Variants in ANGPTL1 observed in about 807,000 individuals in gnomAD.
ANGPTL1 encodes the protein angiopoietin-related protein 1.
Under a neutral mutation model 46.7 loss-of-function variants are expected in ANGPTL1, and 36 were observed. That is an observed-to-expected ratio of 0.77 (90% CI 0.59 to 1.02). The LOEUF (loss-of-function observed/expected upper bound fraction) is 1.02, where lower values mean the gene tolerates loss of function less well. Among genes scored for constraint, ANGPTL1 ranks in the 50% least tolerant of loss-of-function variants. The probability of loss-of-function intolerance (pLI) is 0.00; values close to 1 mark genes in which losing one functional copy is unlikely to be tolerated. For synonymous variants in ANGPTL1, 221 were observed against 204.3 expected (o/e 1.08, Z -0.69); for missense variants, 571 against 594.7 (o/e 0.96, Z 0.41).
chr1:178,868,948 A>T (rs560166413), intron 2 of ANGPTL1, among the ~76,000 whole-genome samples, 166 bp downstream of exon 2: 9 of 152,102 alleles, frequency 5.9e-5, no homozygotes, highest in Admixed American at 5.9e-4. Context: ...AAATACATTT[A>T]CTGTTATGTT....
chr1:178,853,016 G>C (rs1657286087), intron 4 of ANGPTL1, 63 bp from the exon 5 acceptor site: 2 of 1,534,076 alleles, frequency 1.3e-6, no homozygotes, highest in Non-Finnish European at 1.7e-6. Flanking sequence ...CATTTTTACA[G>C]AGCAGTGTTA....
At chr1:178,861,613 T>C (rs1658017747) in intron 3 of ANGPTL1, among the ~76,000 whole-genome samples, 1 of 152,212 alleles carries the variant, frequency 6.6e-6, no homozygotes, top group African/African-American at 2.4e-5. Flanking sequence ...AGGGATCACA[T>C]AGAATACTCC....
chr1:178,855,239 A>T (rs1478853539), intron 3 of ANGPTL1, among the ~76,000 whole-genome samples: 5 of 151,704 alleles, frequency 3.3e-5, no homozygotes, highest in Non-Finnish European at 5.9e-5. Flanking sequence ...ATAACAATAG[A>T]AGGGATTCTT....
At chr1:178,860,348 T>C (rs917915900) in intron 3 of ANGPTL1, among the ~76,000 whole-genome samples, 3 of 152,196 alleles carry the variant, frequency 2.0e-5, no homozygotes, top group Non-Finnish European at 2.9e-5. Context: ...TTTATCTAAA[T>C]ACTATTTTTT....
At chr1:178,856,202 G>GAGAGAGATATAT (rs1428022812) in intron 3 of ANGPTL1, among the ~76,000 whole-genome samples, 5 of 83,908 alleles carry the variant, frequency 6.0e-5, no homozygotes, top group African/African-American at 3.2e-4. Flanking sequence ...GAGAGAGAGA[G>GAGAGAGATATAT]ATATATATAT....
intron 3 of ANGPTL1, among the ~76,000 whole-genome samples, chr1:178,860,236 A>G (rs1657906416): frequency 6.6e-6 from 1 of 152,304 alleles, no homozygotes; most frequent in African/African-American, 2.4e-5. Flanking sequence ...TAACATTAAT[A>G]GTTAAGAATT....
At chr1:178,862,035 A>G (rs547052496) in intron 3 of ANGPTL1, among the ~76,000 whole-genome samples, 2 of 151,826 alleles carry the variant, frequency 1.3e-5, no homozygotes, top group East Asian at 1.9e-4. Context: ...ACCATGCCCA[A>G]TACTTTTTTG....
intron 3 of ANGPTL1, among the ~76,000 whole-genome samples, chr1:178,857,044 A>G (rs753069804): frequency 6.6e-6 from 1 of 152,192 alleles, no homozygotes. Flanking sequence ...AGAAACATGC[A>G]TTGTAGTCAA....
At chr1:178,851,613 T>C (rs1482795933) in intron 5 of ANGPTL1, among the ~76,000 whole-genome samples, 1 of 151,878 alleles carries the variant, frequency 6.6e-6, no homozygotes, top group Non-Finnish European at 1.5e-5. Flanking sequence ...TGTGAAAGAG[T>C]TACAGAGGGA....
At chr1:178,856,196 G>GATAGATAGAT (rs1449088390) in intron 3 of ANGPTL1, among the ~76,000 whole-genome samples, 3 of 41,054 alleles carry the variant, frequency 7.3e-5, no homozygotes, top group African/African-American at 3.1e-4. Flanking sequence ...TTTCCAGAGA[G>GATAGATAGAT]AGAGAGATAT....
rs192489069 is a variant in ANGPTL1, at chr1:178,866,600, A to T, written c.-26-798T>A. ...TAGTAAAATGTTAGTAATTTTCTAC[A>T]ACCATTACCAAGGAAAGAAACTTGT... On this transcript the variant is annotated intron_variant, in intron 2 of 5. Coordinates refer to ENST00000234816, the MANE Select transcript of ANGPTL1 (RefSeq NM_004673.4). Among the ~76,000 whole-genome samples the T allele has an allele frequency of 1.7e-3, 262 of 152,294 alleles. 1 individual carries two copies. The highest frequency in any genetic ancestry group is 3.4e-3 in the Middle Eastern group (1 of 294).
chr1:178,853,121 T>C (rs1323120883), intron 4 of ANGPTL1, 168 bp from the exon 5 acceptor site: 12 of 985,312 alleles, frequency 1.2e-5, no homozygotes, highest in Non-Finnish European at 1.4e-5. Context: ...CACATTGTCA[T>C]TCTCTTTTTG....
chr1:178,870,623 CTG>C (rs1008546497), intron 1 of ANGPTL1, 116 bp downstream of exon 1: 4 of 152,118 alleles, frequency 2.6e-5, no homozygotes, highest in African/African-American at 9.7e-5. Context: ...ATGAGATAAA[CTG>C]TAGTATATTC....
intron 3 of ANGPTL1, among the ~76,000 whole-genome samples, chr1:178,856,202 G>GAGAGAGATATATATATATAT (rs1428022812): frequency 1.2e-5 from 1 of 83,912 alleles, no homozygotes; most frequent in African/African-American, 6.4e-5. Context: ...GAGAGAGAGA[G>GAGAGAGATATATATATATAT]ATATATATAT....
At chr1:178,854,036 C>A (rs906834793) in intron 3 of ANGPTL1, among the ~76,000 whole-genome samples, 1 of 151,924 alleles carries the variant, frequency 6.6e-6, no homozygotes, top group Admixed American at 6.6e-5. Context: ...AATCCTAATA[C>A]ATGTAGAAAA....
rs1558159267 is a variant in ANGPTL1 at position 178,865,131 on chromosome 1, C to CA, written c.645dup (p.Val216CysfsTer10). ...GGAATATGTTGTGGCACCACCTGGA[C>CA]AAGTGGGGGAGACACATGGGTGTCT... On this transcript the variant is annotated frameshift_variant, in exon 3 of 6. Coordinates refer to ENST00000234816, the MANE Select transcript of ANGPTL1 (RefSeq NM_004673.4). LOFTEE classifies it high-confidence loss of function. 1 of 1,591,076 alleles carries CA rather than the reference C, an allele frequency of 6.3e-7. No individual in the cohort carries two copies. The highest frequency in any genetic ancestry group is 1.7e-5 in the Admixed American group (1 of 59,084).
Position 178,865,469 on chromosome 1 carries a change from T to A in ANGPTL1, c.308A>T (p.Gln103Leu). 1 of 1,614,102 alleles carries A rather than the reference T, an allele frequency of 6.2e-7. No individual in the cohort carries two copies. The highest frequency in any genetic ancestry group is 8.5e-7 in the Non-Finnish European group (1 of 1,180,008). Residue 103 changes from glutamine (Q) to leucine (L), a missense_variant, in exon 3 of 6, where the codon CAA (glutamine) becomes CTA (leucine). Gln to Leu is a moderately radical substitution (Grantham distance 113, BLOSUM62 -2). Transcript: ENST00000234816. ...SRQKREIDVL[Q>L]LVVDVDGNIV... Reference sequence around the variant, plus strand: ...GTTTCCATCTACATCCACCACCAGTTGCAGAACATCTATCTCCCGCTTCTG... The same window carrying A: ...GTTTCCATCTACATCCACCACCAGTAGCAGAACATCTATCTCCCGCTTCTG...
chr1:178,866,219 A>G (rs1658400321), intron 2 of ANGPTL1, among the ~76,000 whole-genome samples: 1 of 152,178 alleles, frequency 6.6e-6, no homozygotes, highest in Non-Finnish European at 1.5e-5. Flanking sequence ...CATTAATTAA[A>G]ACATTCTTGC....
At chr1:178,855,015 A>G (rs941577138) in intron 3 of ANGPTL1, among the ~76,000 whole-genome samples, 4 of 152,148 alleles carry the variant, frequency 2.6e-5, no homozygotes, top group Non-Finnish European at 5.9e-5. Flanking sequence ...AGAACAAAAA[A>G]TGTATAAAAA....
Sources: allele counts gnomAD v4.1 joint callset (sites outside exome capture counted in the v4.1 genomes callset), GRCh38; gene constraint gnomAD v4.1.1; transcripts MANE v1.5; gene names NCBI Gene and HGNC (gene_info 2026-07-23, HGNC 2026-07-21).